The following ANO4 variants were observed in gnomAD, a reference collection of about 807,000 sequenced individuals.
ANO4 encodes the protein anoctamin 4.
In ANO4, 69 loss-of-function variants were observed where a neutral mutation model predicts 141.9. That is an observed-to-expected ratio of 0.49 (90% CI 0.40 to 0.59). ANO4 has a LOEUF of 0.59. Among genes scored for constraint, ANO4 ranks in the 20% least tolerant of loss-of-function variants. The pLI is 0.00. For synonymous variants in ANO4, 350 were observed against 394.3 expected (o/e 0.89, Z 1.33); for missense variants, 894 against 1,162.2 (o/e 0.77, Z 3.36).
chr12:101,095,129 G>A (rs1262073252), intron 18 of ANO4, among the ~76,000 whole-genome samples: 1 of 152,118 alleles, frequency 6.6e-6, no homozygotes, highest in Non-Finnish European at 1.5e-5. Flanking sequence ...CTTGTCCAGA[G>A]GAGAAAAAAC....
intron 22 of ANO4, among the ~76,000 whole-genome samples, chr12:101,101,929 C>T (rs575436699): frequency 1.3e-5 from 2 of 152,204 alleles, no homozygotes; most frequent in African/African-American, 2.4e-5. Flanking sequence ...CTGAAAGATA[C>T]AAAAATTAGC....
intron 3 of ANO4, among the ~76,000 whole-genome samples, chr12:100,747,722 A>G (rs1193364849): frequency 1.3e-5 from 2 of 152,116 alleles, no homozygotes. Flanking sequence ...AAAATACAAA[A>G]ATTAGCTGGG....
chr12:100,847,991 A>T (rs1406076396), intron 1 of ANO4, among the ~76,000 whole-genome samples: 1 of 152,222 alleles, frequency 6.6e-6, no homozygotes, highest in East Asian at 1.9e-4. Context: ...GCCAAATATG[A>T]GTCTTAAACT....
intron 3 of ANO4, among the ~76,000 whole-genome samples, chr12:100,926,854 G>A (rs1394567439): frequency 6.6e-6 from 1 of 152,114 alleles, no homozygotes; most frequent in East Asian, 1.9e-4. Flanking sequence ...CCAGGCTTCT[G>A]GTAGGGGGAA....
intron 1 of ANO4, among the ~76,000 whole-genome samples, chr12:100,723,151 ATTAAAT>A (rs935749807): frequency 2.6e-5 from 4 of 152,152 alleles, no homozygotes; most frequent in African/African-American, 9.7e-5. Flanking sequence ...GTGGGGTAAA[ATTAAAT>A]TAAAAAATTT....
intron 14 of ANO4, among the ~76,000 whole-genome samples, chr12:101,076,611 GT>G (rs984339243): frequency 2.2e-4 from 33 of 151,970 alleles, no homozygotes; most frequent in Admixed American, 8.5e-4. Flanking sequence ...ACCATAGAGG[GT>G]TGGTAGGGCG....
At chr12:100,853,657 C>T (rs943248833) in intron 1 of ANO4, among the ~76,000 whole-genome samples, 5 of 152,024 alleles carry the variant, frequency 3.3e-5, no homozygotes, top group African/African-American at 1.2e-4. Context: ...CCTATAAAGT[C>T]TTTCATTTAC....
At chr12:101,109,146 G>T (rs933072052) in intron 22 of ANO4, among the ~76,000 whole-genome samples, 2 of 152,112 alleles carry the variant, frequency 1.3e-5, no homozygotes, top group Non-Finnish European at 2.9e-5. Flanking sequence ...TTGGGTTGGG[G>T]TTATTCATTT....
intron 2 of ANO4, among the ~76,000 whole-genome samples, chr12:100,914,596 A>T (rs73389663): frequency 0.043 from 6,582 of 152,310 alleles, 490 homozygotes; most frequent in African/African-American, 0.15. Flanking sequence ...ACACACAAAA[A>T]AAGGATTTTG....
At position 100,852,896 on chromosome 12, in the gene ANO4, C is replaced by T. The variant is rs118111927; in HGVS notation, c.-140-48750C>T. 5.5e-4 allele frequency among the ~76,000 whole-genome samples: 84 copies of T among 152,226 alleles called. 1 individual carries two copies. The East Asian group carries it at 0.01, about 19-fold the overall frequency. ...CGTCATGTTGGCAATTTAAATAAATCGATAACACTCAAAGTTAGCAAGAAT... is the reference window on the plus strand; with the variant it reads ...CGTCATGTTGGCAATTTAAATAAATTGATAACACTCAAAGTTAGCAAGAAT... On this transcript the variant is annotated intron_variant, in intron 1 of 27. Coordinates refer to ENST00000392977, the MANE Select transcript of ANO4 (RefSeq NM_001286615.2).
chr12:100,793,976 T>C (rs893469399), upstream of ANO4, among the ~76,000 whole-genome samples: 1 of 152,226 alleles, frequency 6.6e-6, no homozygotes, highest in Non-Finnish European at 1.5e-5. Context: ...ATTGTTATTA[T>C]TGTTTATCCC....
intron 19 of ANO4, among the ~76,000 whole-genome samples, chr12:101,097,285 T>A (rs1383031275): frequency 6.6e-6 from 1 of 152,118 alleles, no homozygotes. Context: ...GGCAAATAGT[T>A]CAATAATTTT....
At chr12:100,745,450 G>T (rs951729434) in intron 3 of ANO4, among the ~76,000 whole-genome samples, 8 of 152,180 alleles carry the variant, frequency 5.3e-5, no homozygotes, top group African/African-American at 1.9e-4. Flanking sequence ...TAAAGTTCTT[G>T]AGTTAGGAAT....
chr12:101,105,077 A>C (rs73156649), intron 22 of ANO4, among the ~76,000 whole-genome samples: 15,553 of 152,174 alleles, frequency 0.1, 838 homozygotes, highest in South Asian at 0.14. Flanking sequence ...GCTAACCTTA[A>C]AACCTTTCAA....
At position 101,038,394 on chromosome 12, in the gene ANO4, C is replaced by T. The variant is rs1190730482; in HGVS notation, c.897+1244C>T. 4 of 141,458 alleles carry T rather than the reference C, an allele frequency of 2.8e-5. No individual in the cohort carries two copies. In the East Asian group the frequency reaches 9.8e-4, roughly 35 times the overall value. The allele number at this position is 141,458 out of a possible 1,614,324, so 8.8% of individuals were successfully genotyped here. On this transcript the variant is annotated intron_variant, in intron 10 of 27. Transcript: ENST00000392977. Reference sequence around the variant, plus strand: ...TGTCTGATATGGTAAGTGGCAGAAGCGTCTGTGCAGGGGAGTGGGTGGGTG... The same window carrying T: ...TGTCTGATATGGTAAGTGGCAGAAGTGTCTGTGCAGGGGAGTGGGTGGGTG...
intron 3 of ANO4, among the ~76,000 whole-genome samples, chr12:100,766,754 G>T (rs543114902): frequency 1.3e-5 from 2 of 152,178 alleles, no homozygotes; most frequent in African/African-American, 4.8e-5. Context: ...GTTCAAGTTT[G>T]CTCTTTTCTT....
chr12:100,925,769 A>T lies in ANO4; in HGVS notation c.160+3439A>T, dbSNP rs542966634. On this transcript the variant is annotated intron_variant, in intron 3 of 27. Transcript: ENST00000392977. ...TGTTGTGACTATTTATATATAGTAT[A>T]TATATATATATGTATGCATGTATAT... 2.6e-3 allele frequency among the ~76,000 whole-genome samples: 369 copies of T among 140,642 alleles called. 2 individuals carry two copies. Among genetic ancestry groups the T allele is most frequent in the Non-Finnish European group, 4.4e-3 (295 of 66,944 alleles). 92.3% of individuals were successfully genotyped at this position (140,642 alleles called of 152,430 possible).
intron 22 of ANO4, among the ~76,000 whole-genome samples, chr12:101,104,658 TATATATATATATAA>T (rs1238460033): frequency 0.021 from 1,326 of 63,412 alleles, 36 homozygotes; most frequent in African/African-American, 0.11. Context: ...TATATATATA[TATATATATATATAA>T]ATAAAAAGAT....
At chr12:100,948,448 A>G (rs1031116816) in intron 5 of ANO4, among the ~76,000 whole-genome samples, 1 of 152,170 alleles carries the variant, frequency 6.6e-6, no homozygotes, top group Non-Finnish European at 1.5e-5. Flanking sequence ...GGACCTATAT[A>G]TAGTGCCAAT....
Sources: allele counts gnomAD v4.1 joint callset (sites outside exome capture counted in the v4.1 genomes callset), GRCh38; gene constraint gnomAD v4.1.1; transcripts MANE v1.5; gene names NCBI Gene and HGNC (gene_info 2026-07-23, HGNC 2026-07-21).